FKTN: variants seen among roughly 807,000 people sequenced by gnomAD.
The protein encoded by FKTN is ribitol-5-phosphate transferase FKTN.
In FKTN, 47 loss-of-function variants were observed where a neutral mutation model predicts 58.6. The ratio of observed to expected loss-of-function variants is 0.80; its 90% CI spans 0.63 to 1.02. The LOEUF (loss-of-function observed/expected upper bound fraction) is 1.02, where lower values mean the gene tolerates loss of function less well. FKTN is among the 50% of genes least tolerant of loss of function. The pLI is 0.00. For missense variants in FKTN, 516 were observed against 537.3 expected, an observed-to-expected ratio of 0.96 and a Z score of 0.39; for synonymous variants, 178 against 191.9, an observed-to-expected ratio of 0.93 and a Z score of 0.60.
rs1588204815 is a variant in FKTN, at chr9:105,617,986, C to T, written c.938C>T (p.Pro313Leu). 1 of 1,592,458 alleles carries T rather than the reference C, an allele frequency of 6.3e-7. No individual in the cohort carries two copies. Among genetic ancestry groups the T allele is most frequent in the Non-Finnish European group, 8.6e-7 (1 of 1,160,662 alleles). Residue 313 changes from proline (P) to leucine (L), a missense_variant, in exon 9 of 11, where the codon CCT becomes CTT. Coordinates refer to ENST00000357998, the MANE Select transcript of FKTN (RefSeq NM_001079802.2). ...LGWYRQCNII[P>L]YSKDVDLGIF... ...TGGTATCGACAATGCAACATTATTC[C>T]TTATAGCAAAGATGTTGACCTAGGA...
intron 3 of FKTN, among the ~76,000 whole-genome samples, chr9:105,587,419 A>T (rs1386042871): frequency 2.6e-5 from 4 of 152,334 alleles, no homozygotes; most frequent in African/African-American, 7.2e-5. Context: ...AGCCATTTAG[A>T]TCATGTGCAA....
intron 8 of FKTN, among the ~76,000 whole-genome samples, chr9:105,615,785 A>G (rs1830699612): frequency 6.6e-6 from 1 of 152,222 alleles, no homozygotes; most frequent in South Asian, 2.1e-4. Context: ...CTATACATAC[A>G]TATGATGTTT....
intron 3 of FKTN, among the ~76,000 whole-genome samples, chr9:105,587,079 A>T (rs1022106779): frequency 6.6e-6 from 1 of 152,176 alleles, no homozygotes; most frequent in East Asian, 1.9e-4. Context: ...GAAAATCGTC[A>T]AATATTGATG....
rs2132015240 is a variant in FKTN at position 105,574,983 on chromosome 9, A to G, written c.-50A>G. 3 of 997,240 alleles carry G rather than the reference A, an allele frequency of 3.0e-6. No individual in the cohort carries two copies. The South Asian group carries it at 3.8e-5, about 13-fold the overall frequency. 61.8% of individuals were successfully genotyped at this position (997,240 alleles called of 1,614,324 possible). A position where few individuals can be genotyped will look rare whatever the true frequency, so the allele number is the denominator to read the frequency against. Reference sequence around the variant, plus strand: ...CTTCCTTTCCAAATCCAAAAAGATGAAAACGACTGAGATACTTTCAAAAGA... The same window carrying G: ...CTTCCTTTCCAAATCCAAAAAGATGGAAACGACTGAGATACTTTCAAAAGA... On this transcript the variant is annotated 5_prime_UTR_variant, in exon 3 of 11. Transcript: ENST00000357998.
At position 105,604,446 on chromosome 9, in the gene FKTN, C is replaced by T; in HGVS notation, c.601C>T (p.Pro201Ser). ...LKEHIDRKFV[P>S]FRKLQFGRYP... ...AGAACACATTGACAGGAAATTTGTT[C>T]CCTTCCGAAAGTTACAGTTTGGTCG... Residue 201 changes from proline (P) to serine (S), a missense_variant, in exon 6 of 11, where the codon CCC becomes TCC. By Grantham distance (74) the Pro-to-Ser change is moderately conservative (BLOSUM62 -1). Coordinates refer to ENST00000357998, the MANE Select transcript of FKTN (RefSeq NM_001079802.2). 6.2e-7 allele frequency: 1 copy of T among 1,614,116 alleles called. No individual in the cohort carries two copies. Among genetic ancestry groups the T allele is most frequent in the Non-Finnish European group, 8.5e-7 (1 of 1,179,986 alleles).
At chr9:105,631,436 T>C (rs944230094) in intron 10 of FKTN, among the ~76,000 whole-genome samples, 6 of 152,084 alleles carry the variant, frequency 3.9e-5, no homozygotes, top group Non-Finnish European at 7.4e-5. Context: ...ATTCTAGAGT[T>C]AATGTAAAAC....
At chr9:105,608,075 G>T in intron 7 of FKTN, 124 bp downstream of exon 7, 1 of 768,026 alleles carries the variant, frequency 1.3e-6, no homozygotes, top group South Asian at 1.6e-5. Flanking sequence ...TTTTTGATAT[G>T]TCTCTTTTCT....
In FKTN at chr9:105,635,149, G is replaced by A. The variant is rs1833936208; in HGVS notation, c.1271G>A (p.Gly424Asp). 1 of 1,613,936 alleles carries A rather than the reference G, an allele frequency of 6.2e-7. No homozygotes were observed. The highest frequency in any genetic ancestry group is 1.1e-5 in the South Asian group (1 of 91,080). The part of the protein sequence containing the change: ...ETLEYIEANY[G>D]KTWKIPVKTW... ...CTCGAATACATTGAAGCCAACTATGGTAAGACCTGGAAGATTCCTGTAAAG... is the reference window on the plus strand; with the variant it reads ...CTCGAATACATTGAAGCCAACTATGATAAGACCTGGAAGATTCCTGTAAAG... Residue 424 changes from glycine (G) to aspartate (D), a missense_variant, in exon 11 of 11, where the codon GGT (glycine) becomes GAT (aspartate). Transcript: ENST00000357998.
intron 10 of FKTN, among the ~76,000 whole-genome samples, chr9:105,622,778 G>A (rs1346860178): frequency 1.3e-5 from 2 of 152,078 alleles, no homozygotes; most frequent in African/African-American, 2.4e-5. Flanking sequence ...TATTGTGTAA[G>A]TAGTAGCTAC....
chr9:105,600,735 G>A (rs1827726612), intron 4 of FKTN, among the ~76,000 whole-genome samples: 5 of 152,164 alleles, frequency 3.3e-5, no homozygotes, highest in South Asian at 4.1e-4. Context: ...AAAAGCTGAC[G>A]GATAGTTCTC....
chr9:105,562,059 G>C (rs1838397642), intron 1 of FKTN, among the ~76,000 whole-genome samples: 1 of 151,800 alleles, frequency 6.6e-6, no homozygotes, highest in African/African-American at 2.4e-5. Flanking sequence ...CTGTAGTTCA[G>C]CCTCCTGTTT....
chr9:105,596,767 T>C, intron 4 of FKTN, 110 bp downstream of exon 4: 1 of 883,232 alleles, frequency 1.1e-6, no homozygotes, highest in Middle Eastern at 2.2e-4. Flanking sequence ...CCTTGTGTGG[T>C]GGGTGGCCGG....
At position 105,618,209 on chromosome 9, in the gene FKTN, G is replaced by A. The variant is rs574603306; in HGVS notation, c.1044+117G>A. The A allele has an allele frequency of 5.2e-4, 449 of 868,698 alleles. 1 individual carries two copies. The Middle Eastern group carries it at 0.011, about 22-fold the overall frequency. 53.8% of individuals were successfully genotyped at this position (868,698 alleles called of 1,614,324 possible). On this transcript the variant is annotated intron_variant, in intron 9 of 10. Transcript: ENST00000357998. ...ATACATAATTTTATCACTCAGTATT[G>A]ACTAGGATGAGTTCAGCAGAAGCCT... is the stretch of plus-strand genomic sequence containing the variant.
chr9:105,604,462 A>G lies in FKTN; in HGVS notation c.617A>G (p.Gln206Arg). Residue 206 changes from glutamine to arginine, a missense_variant, in exon 6 of 11, where the codon CAG (glutamine) becomes CGG (arginine). Physicochemically the swap from Gln to Arg is conservative, Grantham distance 43. Coordinates refer to ENST00000357998, the MANE Select transcript of FKTN (RefSeq NM_001079802.2). ...DRKFVPFRKL[Q>R]FGRYPGAFDR... is the part of the protein sequence containing the mutation. The stretch of plus-strand genomic sequence containing the variant: ...AAATTTGTTCCCTTCCGAAAGTTAC[A>G]GTTTGGTCGTTATCCAGGAGCTTTT... 6.2e-7 allele frequency: 1 copy of G among 1,614,114 alleles called. No individual in the cohort carries two copies.
intron 1 of FKTN, among the ~76,000 whole-genome samples, chr9:105,558,891 A>G (rs1837725790): frequency 6.6e-6 from 1 of 152,198 alleles, no homozygotes; most frequent in Non-Finnish European, 1.5e-5. Flanking sequence ...AGGAATAAGC[A>G]TTTATATTTT....
chr9:105,636,026 A>ACT lies in FKTN; in HGVS notation c.*762_*763insCT. 1.0e-6 allele frequency: 1 copy of ACT among 985,542 alleles called. No individual in the cohort carries two copies. The highest frequency in any genetic ancestry group is 1.2e-6 in the Non-Finnish European group (1 of 829,998). 61.0% of individuals were successfully genotyped at this position (985,542 alleles called of 1,614,324 possible). On this transcript the variant is annotated 3_prime_UTR_variant, in exon 11 of 11. Transcript: ENST00000357998. ...GACCTCTGATGGCACTTGTTGACAA[A>ACT]TCATTCAAGTGAGACCATGTTACTA...
At chr9:105,629,292 C>T in intron 10 of FKTN, among the ~76,000 whole-genome samples, 1 of 152,122 alleles carries the variant, frequency 6.6e-6, no homozygotes, top group Non-Finnish European at 1.5e-5. Flanking sequence ...GGTCTGAGAT[C>T]ACAGGTTGAA....
intron 3 of FKTN, among the ~76,000 whole-genome samples, chr9:105,575,507 G>A (rs892530852): frequency 1.3e-5 from 2 of 152,032 alleles, no homozygotes; most frequent in African/African-American, 4.8e-5. Context: ...GAAGTATAAT[G>A]GTATGACTTA....
At chr9:105,593,143 T>C (rs1359203684) in intron 3 of FKTN, among the ~76,000 whole-genome samples, 1 of 152,198 alleles carries the variant, frequency 6.6e-6, no homozygotes, top group African/African-American at 2.4e-5. Context: ...GGCATCTGCT[T>C]GGCTTCTGTG....
Sources: gnomAD v4.1 joint callset for allele counts (sites outside exome capture counted in the v4.1 genomes callset) on GRCh38, gnomAD v4.1.1 for gene constraint, MANE v1.5 for transcripts, NCBI Gene and HGNC (gene_info 2026-07-23, HGNC 2026-07-21) for gene names.